The following ASTN2 variants were observed in gnomAD, a reference collection of about 807,000 sequenced individuals.
The protein encoded by ASTN2 is astrotactin-2.
In ASTN2, 54 loss-of-function variants were observed where a neutral mutation model predicts 139.8. That is an observed-to-expected ratio of 0.39 (90% CI 0.31 to 0.48). The LOEUF (loss-of-function observed/expected upper bound fraction) is 0.48. ASTN2 is among the 20% of genes least tolerant of loss of function. The probability of loss-of-function intolerance (pLI) is 0.95; values close to 1 mark genes in which losing one functional copy is unlikely to be tolerated. For synonymous variants in ASTN2, 756 were observed against 719.5 expected, an observed-to-expected ratio of 1.05 and a Z score of -0.81; for missense variants, 1,565 against 1,725.1, an observed-to-expected ratio of 0.91 and a Z score of 1.64.
chr9:116,772,313 C>T (rs1452069942), intron 13 of ASTN2, among the ~76,000 whole-genome samples: 18 of 152,074 alleles, frequency 1.2e-4, no homozygotes, highest in African/African-American at 1.7e-4. Flanking sequence ...GTAAGTCTCA[C>T]GAGATCTGAT....
At chr9:116,942,087 C>T (rs1835252866) in intron 10 of ASTN2, among the ~76,000 whole-genome samples, 1 of 134,152 alleles carries the variant, frequency 7.5e-6, no homozygotes, top group Non-Finnish European at 1.5e-5. Flanking sequence ...CGTACGCACG[C>T]ACGCACACAC....
At chr9:116,441,356 C>T (rs1847834550) in intron 21 of ASTN2, among the ~76,000 whole-genome samples, 1 of 151,938 alleles carries the variant, frequency 6.6e-6, no homozygotes, top group African/African-American at 2.4e-5. Flanking sequence ...GCATATTCTT[C>T]CAGCTTCAAA....
intron 2 of ASTN2, among the ~76,000 whole-genome samples, chr9:117,281,511 G>T (rs1017456999): frequency 2.0e-5 from 3 of 152,164 alleles, no homozygotes; most frequent in Admixed American, 2.0e-4. Flanking sequence ...GGGCTTATTT[G>T]GGGCATATGA....
chr9:116,600,787 C>G (rs1854854346), intron 19 of ASTN2, among the ~76,000 whole-genome samples: 1 of 152,174 alleles, frequency 6.6e-6, no homozygotes, highest in Non-Finnish European at 1.5e-5. Context: ...TCCAGCCCCA[C>G]TGTCCTTTTA....
chr9:117,130,555 C>T (rs566978671), intron 4 of ASTN2, among the ~76,000 whole-genome samples: 1 of 152,042 alleles, frequency 6.6e-6, no homozygotes, highest in Non-Finnish European at 1.5e-5. Flanking sequence ...TTCCTTAAGC[C>T]CGGGGGGCTT....
chr9:117,045,145 C>T (rs1419461735), intron 5 of ASTN2, among the ~76,000 whole-genome samples: 1 of 151,684 alleles, frequency 6.6e-6, no homozygotes, highest in Non-Finnish European at 1.5e-5. Context: ...GTGACACTAG[C>T]CAACTGATCC....
At chr9:116,467,582 C>T (rs781618418) in intron 20 of ASTN2, among the ~76,000 whole-genome samples, 1 of 152,200 alleles carries the variant, frequency 6.6e-6, no homozygotes, top group Non-Finnish European at 1.5e-5. Flanking sequence ...AATCTTACGA[C>T]GTCATTTGAA....
At chr9:116,589,485 G>A (rs1188273239) in intron 19 of ASTN2, among the ~76,000 whole-genome samples, 1 of 152,192 alleles carries the variant, frequency 6.6e-6, no homozygotes. Flanking sequence ...GTTGTGGAGA[G>A]AGAAGGGAGA....
chr9:117,304,919 C>G (rs1446970018), intron 1 of ASTN2, among the ~76,000 whole-genome samples: 1 of 152,208 alleles, frequency 6.6e-6, no homozygotes, highest in Non-Finnish European at 1.5e-5. Flanking sequence ...TTGATTTTCT[C>G]TCTGCATCAG....
intron 17 of ASTN2, among the ~76,000 whole-genome samples, chr9:116,621,227 T>A (rs1343927189): frequency 6.6e-6 from 1 of 152,184 alleles, no homozygotes; most frequent in Non-Finnish European, 1.5e-5. Context: ...ACTGCCTTTG[T>A]AGCATGAAAG....
intron 16 of ASTN2, 56 bp from the exon 17 acceptor site, chr9:116,651,849 C>A: frequency 6.3e-7 from 1 of 1,577,216 alleles, no homozygotes; most frequent in Non-Finnish European, 8.6e-7. Context: ...ATTCAAAAGG[C>A]CAGACTCTTG....
chr9:117,008,073 C>T lies in ASTN2; in HGVS notation c.1591+19G>A, dbSNP rs1198335633. ...AGCCTCTCCCACCTTCTATCCCCAT[C>T]CCGGCTCCCATGGCTCACCGGTTTC... On this transcript the variant is annotated intron_variant, in intron 7 of 22. Transcript: ENST00000313400. The T allele has an allele frequency of 9.6e-6, 15 of 1,565,786 alleles. No individual in the cohort carries two copies. Among genetic ancestry groups the T allele is most frequent in the African/African-American group, 2.7e-5 (2 of 74,144 alleles).
intron 19 of ASTN2, among the ~76,000 whole-genome samples, chr9:116,597,094 A>T (rs1210251808): frequency 2.0e-5 from 1 of 49,354 alleles, no homozygotes; most frequent in African/African-American, 5.0e-5. Context: ...TTATATTTTT[A>T]AAAAATGTAT....
chr9:117,020,688 C>T lies in ASTN2; in HGVS notation c.1424-12429G>A, dbSNP rs137952709. Among the ~76,000 whole-genome samples, 20 of 152,204 alleles carry T rather than the reference C, an allele frequency of 1.3e-4. No homozygotes were observed. In the East Asian group the frequency reaches 3.7e-3, roughly 28 times the overall value. On this transcript the variant is annotated intron_variant, in intron 6 of 22. Transcript: ENST00000313400. ...AGTCAGCATGTGGCAAGATTTAGGG[C>T]ATGCTGGTGTCTCATCTACCTAGGG... is the stretch of plus-strand genomic sequence containing the variant.
At chr9:117,395,167 C>T (rs1199682823) in intron 1 of ASTN2, among the ~76,000 whole-genome samples, 1 of 152,144 alleles carries the variant, frequency 6.6e-6, no homozygotes, top group Non-Finnish European at 1.5e-5. Context: ...GCAGAATCAT[C>T]CAAGAAAGGA....
intron 13 of ASTN2, among the ~76,000 whole-genome samples, chr9:116,748,936 GAGA>G (rs1054808109): frequency 2.0e-5 from 3 of 152,136 alleles, no homozygotes; most frequent in African/African-American, 7.2e-5. Flanking sequence ...TTCTCAAGAT[GAGA>G]AGACCTATTC....
chr9:117,035,876 C>T (rs997670117), intron 6 of ASTN2, among the ~76,000 whole-genome samples: 2 of 152,140 alleles, frequency 1.3e-5, no homozygotes, highest in Non-Finnish European at 2.9e-5. Context: ...ATAATGTATT[C>T]CCTTTTCCAT....
At chr9:116,476,172 C>T (rs1848975220) in intron 20 of ASTN2, among the ~76,000 whole-genome samples, 1 of 152,186 alleles carries the variant, frequency 6.6e-6, no homozygotes, top group African/African-American at 2.4e-5. Flanking sequence ...TGTTCCTTGG[C>T]TTGAGGCGGC....
intron 19 of ASTN2, among the ~76,000 whole-genome samples, chr9:116,578,138 G>A (rs1484377780): frequency 6.6e-6 from 1 of 152,156 alleles, no homozygotes; most frequent in East Asian, 1.9e-4. Context: ...AGGGAGACTA[G>A]TTAAGAAAAC....
Sources: gnomAD v4.1 joint callset for allele counts (sites outside exome capture counted in the v4.1 genomes callset) on GRCh38, gnomAD v4.1.1 for gene constraint, MANE v1.5 for transcripts, NCBI Gene and HGNC (gene_info 2026-07-23, HGNC 2026-07-21) for gene names.